RABGEF1: variants seen among roughly 807,000 people sequenced by gnomAD.
RABGEF1 encodes the protein RAB guanine nucleotide exchange factor 1, also known as rab5 GDP/GTP exchange factor.
A neutral mutation model predicts 57.3 loss-of-function variants in RABGEF1; 26 were observed. The observed-to-expected ratio is 0.45, with a 90% CI of 0.33 to 0.63. RABGEF1 has a LOEUF of 0.63. Among genes scored for constraint, RABGEF1 ranks in the 20% least tolerant of loss-of-function variants. RABGEF1 has a pLI of 0.02. For synonymous variants in RABGEF1, 185 were observed against 210.7 expected, an observed-to-expected ratio of 0.88 and a Z score of 1.06; for missense variants, 464 against 607.6, an observed-to-expected ratio of 0.76 and a Z score of 2.48.
At chr7:66,674,376 T>A in the RABGEF1 span, among the ~76,000 whole-genome samples, 1 of 151,914 alleles carries the variant, frequency 6.6e-6, no homozygotes, top group Non-Finnish European at 1.5e-5. Flanking sequence ...TAAGTAGAGA[T>A]GGAGTTTCAC....
intron 2 of RABGEF1, among the ~76,000 whole-genome samples, chr7:66,714,964 A>C (rs1233443506): frequency 1.3e-5 from 2 of 152,068 alleles, no homozygotes; most frequent in African/African-American, 4.8e-5. Context: ...AAAAACAGAA[A>C]TTTAGGTTAT....
At chr7:66,781,356 T>C (rs922188722) in intron 3 of RABGEF1, among the ~76,000 whole-genome samples, 1 of 152,226 alleles carries the variant, frequency 6.6e-6, no homozygotes, top group Non-Finnish European at 1.5e-5. Flanking sequence ...AAATGTAATT[T>C]ATTATTATTT....
At chr7:66,716,869 C>G (rs1795464830) in intron 2 of RABGEF1, among the ~76,000 whole-genome samples, 1 of 152,322 alleles carries the variant, frequency 6.6e-6, no homozygotes, top group South Asian at 2.1e-4. Context: ...AGCTCTGTCT[C>G]CCAGGCTCAA....
intron 2 of RABGEF1, among the ~76,000 whole-genome samples, chr7:66,715,672 A>G (rs563650042): frequency 2.6e-5 from 4 of 152,288 alleles, no homozygotes; most frequent in East Asian, 3.9e-4. Context: ...AGCATCGTTT[A>G]TATAATTTTA....
intron 2 of RABGEF1, among the ~76,000 whole-genome samples, chr7:66,728,322 A>G (rs760759429): frequency 6.6e-6 from 1 of 152,096 alleles, no homozygotes. Context: ...GGAGAGCCAG[A>G]TGCTCTTCAG....
Position 66,697,234 on chromosome 7 carries a change from C to T in RABGEF1, c.-872-14933C>T, listed in dbSNP as rs114974507. Among the ~76,000 whole-genome samples, 903 of 152,218 alleles carry T rather than the reference C, an allele frequency of 5.9e-3. 5 individuals carry two copies. The highest frequency in any genetic ancestry group is 0.021 in the African/African-American group (867 of 41,532). On this transcript the variant is annotated intron_variant and NMD_transcript_variant, in intron 1 of 9. Coordinates refer to the RABGEF1 transcript ENST00000607882. ...TTGGATTCAATAAGAGACCCAGAGC[C>T]GACCTCTCTGCCCCAAGAGCCTCTA... is the stretch of plus-strand genomic sequence containing the variant.
At chr7:66,683,305 T>G (rs1790072328) in intron 1 of RABGEF1, among the ~76,000 whole-genome samples, 1 of 152,168 alleles carries the variant, frequency 6.6e-6, no homozygotes, top group African/African-American at 2.4e-5. Flanking sequence ...TCCTTAAAAT[T>G]GTTGTACCAG....
At chr7:66,665,208 A>C in the RABGEF1 span, 18 of 151,870 alleles carry the variant, frequency 1.2e-4, no homozygotes, top group Non-Finnish European at 7.3e-5. Context: ...GTAGTGGTGC[A>C]ATCTCGGCTA....
chr7:66,656,764 G>T, the RABGEF1 span, among the ~76,000 whole-genome samples: 1 of 150,322 alleles, frequency 6.7e-6, no homozygotes, highest in African/African-American at 2.5e-5. Flanking sequence ...AGGTTGTGGG[G>T]AGTCAAGATC....
intron 2 of RABGEF1, among the ~76,000 whole-genome samples, chr7:66,723,799 C>T (rs1796306614): frequency 6.9e-6 from 1 of 144,840 alleles, no homozygotes; most frequent in South Asian, 2.5e-4. Context: ...AGGCTGGTCT[C>T]GAACTCCTGA....
chr7:66,707,638 A>G (rs1195912682), intron 1 of RABGEF1, among the ~76,000 whole-genome samples: 1 of 152,192 alleles, frequency 6.6e-6, no homozygotes, highest in Non-Finnish European at 1.5e-5. Context: ...CAGTGAGCCG[A>G]GACTGCACCA....
At chr7:66,795,403 AG>A in intron 4 of RABGEF1, 107 bp from the exon 5 acceptor site, 2 of 848,944 alleles carry the variant, frequency 2.4e-6, no homozygotes, top group Non-Finnish European at 4.0e-6. Context: ...GAGTACTTTT[AG>A]GCTTACTACC....
intron 1 of RABGEF1, among the ~76,000 whole-genome samples, chr7:66,700,149 A>C (rs1028980976): frequency 6.6e-6 from 1 of 152,208 alleles, no homozygotes; most frequent in Non-Finnish European, 1.5e-5. Flanking sequence ...AGGCCCAGCC[A>C]GACCCTGCAC....
chr7:66,795,105 G>T (rs1012185881), intron 4 of RABGEF1, among the ~76,000 whole-genome samples: 1 of 152,150 alleles, frequency 6.6e-6, no homozygotes, highest in Non-Finnish European at 1.5e-5. Flanking sequence ...GAGGAGCCTG[G>T]CCCCTCTTCT....
rs541097101 is a variant in RABGEF1 at position 66,696,837 on chromosome 7, T to C, written c.-873+14579T>C. On this transcript the variant is annotated intron_variant and NMD_transcript_variant, in intron 1 of 9. Coordinates refer to the RABGEF1 transcript ENST00000607882. ...ATCTGGCCCCCCATCTGGTGGATGG[T>C]TTCTGAATAAGCAAGTTATTGGGCA... Among the ~76,000 whole-genome samples the C allele has an allele frequency of 3.3e-5, 5 of 151,976 alleles. No homozygotes were observed. The South Asian group carries it at 1.0e-3, about 32-fold the overall frequency.
rs1041197092 is a variant in RABGEF1 at position 66,764,717 on chromosome 7, CTTCTT to C, written c.-17-7161_-17-7157del. Among the ~76,000 whole-genome samples the C allele has an allele frequency of 2.6e-5, 4 of 152,130 alleles. No homozygotes were observed. In the East Asian group the frequency reaches 5.8e-4, roughly 22 times the overall value. On this transcript the variant is annotated intron_variant, in intron 1 of 8. Transcript: ENST00000284957. ...CCCGGCACTATTTGGTGAAAAGACTCTTCTTTTCTCCATTGAGTAGTCTTGGTACT... is the reference window on the plus strand; with the variant it reads ...CCCGGCACTATTTGGTGAAAAGACTCTTCTCCATTGAGTAGTCTTGGTACT...
At chr7:66,682,602 T>C (rs4717309) in intron 1 of RABGEF1, among the ~76,000 whole-genome samples, 5,998 of 152,198 alleles carry the variant, frequency 0.039, 168 homozygotes, top group East Asian at 0.085. Context: ...CCGTCCAGGA[T>C]GCTGGCTCCG....
chr7:66,742,091 C>CA (rs1260709710), intron 1 of RABGEF1, among the ~76,000 whole-genome samples: 4 of 151,662 alleles, frequency 2.6e-5, no homozygotes, highest in Non-Finnish European at 5.9e-5. Context: ...GCGGAGGTTG[C>CA]AGTGAGCCGA....
In RABGEF1 at chr7:66,805,301, C is replaced by T; in HGVS notation, c.982C>T (p.Pro328Ser). 1.2e-6 allele frequency: 2 copies of T among 1,614,166 alleles called. No individual in the cohort carries two copies. Among genetic ancestry groups the T allele is most frequent in the South Asian group, 2.2e-5 (2 of 91,080 alleles). ...CATCTACATTGTTTTGAAGGGCAAC[C>T]CCCCACGCCTTCAGTCTAATATCCA... ...TLIYIVLKGN[P>S]PRLQSNIQYI... The change falls in exon 8 of 9, where the codon CCC becomes TCC. Residue 328 changes from proline to serine, a missense_variant. By Grantham distance (74) the Pro-to-Ser change is moderately conservative. Transcript: ENST00000284957.
Sources: allele counts gnomAD v4.1 joint callset (sites outside exome capture counted in the v4.1 genomes callset), GRCh38; gene constraint gnomAD v4.1.1; transcripts MANE v1.5; gene names NCBI Gene and HGNC (gene_info 2026-07-23, HGNC 2026-07-21).